Variants in ADD2 observed in about 807,000 individuals in gnomAD.
ADD2 encodes the protein adducin 2.
A neutral mutation model predicts 83.0 loss-of-function variants in ADD2; 23 were observed. The ratio of observed to expected loss-of-function variants is 0.28; its 90% CI spans 0.20 to 0.39. The LOEUF (loss-of-function observed/expected upper bound fraction) is 0.39, where lower values mean the gene tolerates loss of function less well. Ranked by LOEUF, ADD2 falls within the 10% of genes least tolerant of loss-of-function variation. The probability of loss-of-function intolerance (pLI) is 1.00; values close to 1 mark genes in which losing one functional copy is unlikely to be tolerated. For synonymous variants in ADD2, 375 were observed against 375.4 expected (o/e 1.00, Z 0.01); for missense variants, 758 against 944.9 (o/e 0.80, Z 2.59).
intron 15 of ADD2, among the ~76,000 whole-genome samples, chr2:70,666,396 C>T (rs1208360819): frequency 6.6e-6 from 1 of 152,228 alleles, no homozygotes; most frequent in Non-Finnish European, 1.5e-5. Flanking sequence ...GAGTGCTGGC[C>T]TTTGTCTCCT....
intron 4 of ADD2, among the ~76,000 whole-genome samples, chr2:70,700,666 T>C (rs1027202405): frequency 6.6e-6 from 1 of 152,066 alleles, no homozygotes; most frequent in South Asian, 2.1e-4. Context: ...TTATGTGAGA[T>C]GATCTATGAA....
chr2:70,742,512 G>A (rs1673970059), intron 1 of ADD2, among the ~76,000 whole-genome samples: 1 of 152,094 alleles, frequency 6.6e-6, no homozygotes, highest in Non-Finnish European at 1.5e-5. Flanking sequence ...GCTGGTTGAA[G>A]AACAGGAATT....
chr2:70,743,917 A>G (rs1423928922), intron 1 of ADD2, among the ~76,000 whole-genome samples: 2 of 152,234 alleles, frequency 1.3e-5, no homozygotes, highest in African/African-American at 2.4e-5. Context: ...GCTAGGTCAT[A>G]GCCATCCAGT....
Position 70,706,183 on chromosome 2 carries a change from A to C in ADD2, c.183+43T>G. The C allele has an allele frequency of 6.3e-7, 1 of 1,598,678 alleles. No individual in the cohort carries two copies. ...GGGTGGGTACACGTCCTGAAGAGCC[A>C]GCGCCCCCTGCGCCCTCTCCCGCCC... On this transcript the variant is annotated intron_variant, in intron 3 of 15. Coordinates refer to ENST00000264436, the MANE Select transcript of ADD2 (RefSeq NM_001617.4). This position sits in a 1 kb window ranked among gnomAD's most constrained non-coding sequence, Gnocchi z 5.0.
intron 1 of ADD2, among the ~76,000 whole-genome samples, chr2:70,729,753 ATACCC>A (rs1673188226): frequency 6.6e-6 from 1 of 152,216 alleles, no homozygotes. Context: ...CACTTTCTAA[ATACCC>A]CCTTGGACCA....
intron 1 of ADD2, among the ~76,000 whole-genome samples, chr2:70,731,463 C>T (rs1673278258): frequency 6.6e-6 from 1 of 152,116 alleles, no homozygotes; most frequent in South Asian, 2.1e-4. Context: ...CTAAAAATAG[C>T]AAAGAACTAG....
intron 1 of ADD2, among the ~76,000 whole-genome samples, chr2:70,762,970 T>C (rs1675198096): frequency 6.6e-6 from 1 of 151,844 alleles, no homozygotes; most frequent in African/African-American, 2.4e-5. Context: ...CCTCCCAAAG[T>C]GCTGGGATTA....
In ADD2 at chr2:70,678,779, C is replaced by T. The variant is rs143711744; in HGVS notation, c.1308G>A (p.Thr436=). 35 of 1,613,172 alleles carry T rather than the reference C, an allele frequency of 2.2e-5. No individual in the cohort carries two copies. Among genetic ancestry groups the T allele is most frequent in the South Asian group, 6.6e-5 (6 of 90,886 alleles). Residue 436 remains threonine, a synonymous_variant, in exon 11 of 16, where the codon ACG becomes ACA. Transcript: ENST00000264436. ...CATTGACCCGCAGGTAGGTGTTGGG[C>T]GTATTGAGCCAGCGGGTCTTCTCCT... ...QQKEKTRWLN[T]PNTYLRVNVA... is the part of the protein sequence containing the mutation.
chr2:70,755,929 C>T (rs1553383769), intron 1 of ADD2, among the ~76,000 whole-genome samples: 14 of 151,950 alleles, frequency 9.2e-5, no homozygotes, highest in Non-Finnish European at 1.8e-4. Context: ...CATGGTGGCA[C>T]ATGCCTGTAA....
chr2:70,691,042 G>A (rs782044235), intron 7 of ADD2, 113 bp from the exon 8 acceptor site: 117 of 1,347,396 alleles, frequency 8.7e-5, no homozygotes, highest in Non-Finnish European at 1.0e-4. Context: ...TGAGGAGTGA[G>A]GGGTGAGGTT....
Position 70,677,002 on chromosome 2 carries a change from C to T in ADD2, c.1504-117G>A, listed in dbSNP as rs562804765. 7.6e-4 allele frequency: 1,110 copies of T among 1,458,898 alleles called. 4 individuals are homozygous for T. The highest frequency in any genetic ancestry group is 1.1e-3 in the South Asian group (77 of 69,632). 90.4% of individuals were successfully genotyped at this position (1,458,898 alleles called of 1,614,324 possible). Reference sequence around the variant, plus strand: ...AAGGTCCTCTAGCGGTGTGGGAGCCCGTCACCTATCCTAATGCAATCCTTG... The same window carrying T: ...AAGGTCCTCTAGCGGTGTGGGAGCCTGTCACCTATCCTAATGCAATCCTTG... On this transcript the variant is annotated intron_variant, in intron 12 of 15. Coordinates refer to ENST00000264436, the MANE Select transcript of ADD2 (RefSeq NM_001617.4).
At position 70,746,665 on chromosome 2, in the gene ADD2, G is replaced by A. The variant is rs139037149; in HGVS notation, c.-154+21221C>T. ...CACTGGGCCGGGAGGGAAAACAATT[G>A]GAGTCAAGTTTGTATTTATTAGTTT... On this transcript the variant is annotated intron_variant, in intron 1 of 15. Coordinates refer to ENST00000264436, the MANE Select transcript of ADD2 (RefSeq NM_001617.4). Among the ~76,000 whole-genome samples, 237 of 152,278 alleles carry A rather than the reference G, an allele frequency of 1.6e-3. 1 individual carries two copies. The highest frequency in any genetic ancestry group is 5.4e-3 in the African/African-American group (225 of 41,554).
At chr2:70,754,236 G>C (rs1178640052) in intron 1 of ADD2, among the ~76,000 whole-genome samples, 1 of 152,076 alleles carries the variant, frequency 6.6e-6, no homozygotes, top group Non-Finnish European at 1.5e-5. Context: ...TGCCTCCTTG[G>C]TTACCTTCCT....
rs1553372736 is a variant in ADD2 at position 70,696,402 on chromosome 2, G to A, written c.323-6C>T. 1 of 1,614,128 alleles carries A rather than the reference G, an allele frequency of 6.2e-7. No homozygotes were observed. The highest frequency in any genetic ancestry group is 1.7e-5 in the Admixed American group (1 of 60,012). ...AGGCGTCATCATGGAGACATCTGCAGGGACAGTGCAGTTCTCTCAGGGCCA... is the reference window on the plus strand; with the variant it reads ...AGGCGTCATCATGGAGACATCTGCAAGGACAGTGCAGTTCTCTCAGGGCCA... On this transcript the variant is annotated splice_region_variant and splice_polypyrimidine_tract_variant and intron_variant, in intron 4 of 15. Transcript: ENST00000264436.
intron 1 of ADD2, chr2:70,767,249 A>T (rs552554628): frequency 6.5e-6 from 1 of 152,836 alleles, no homozygotes; most frequent in South Asian, 2.1e-4. Context: ...ACAGACTGGC[A>T]AGACCCCCTC....
chr2:70,684,544 T>C (rs1670621494), intron 9 of ADD2, among the ~76,000 whole-genome samples: 7 of 152,216 alleles, frequency 4.6e-5, no homozygotes, highest in Admixed American at 4.6e-4. Flanking sequence ...CCACCATTGC[T>C]GACCTCTCCT....
chr2:70,677,158 G>A lies in ADD2; in HGVS notation c.1504-273C>T, dbSNP rs144398076. ...AATGAGGCATAGTTGATCCTAAGAAGCCCCTGAGGAATTTGTTTTAAATAC... is the reference window on the plus strand; with the variant it reads ...AATGAGGCATAGTTGATCCTAAGAAACCCCTGAGGAATTTGTTTTAAATAC... On this transcript the variant is annotated intron_variant, in intron 12 of 15. Transcript: ENST00000264436. Among the ~76,000 whole-genome samples, 1,454 of 152,236 alleles carry A rather than the reference G, an allele frequency of 9.6e-3. 19 individuals are homozygous for A. Among genetic ancestry groups the A allele is most frequent in the African/African-American group, 0.033 (1,365 of 41,522 alleles).
intron 2 of ADD2, chr2:70,711,278 G>A (rs1479311572): frequency 6.6e-6 from 1 of 152,302 alleles, no homozygotes; most frequent in African/African-American, 2.4e-5. Flanking sequence ...CAGTAGGAAT[G>A]TCTTTTGTTA....
At chr2:70,686,668 C>T (rs1410307143) in intron 9 of ADD2, among the ~76,000 whole-genome samples, 1 of 152,118 alleles carries the variant, frequency 6.6e-6, no homozygotes, top group Non-Finnish European at 1.5e-5. Context: ...GAGTAGCTTC[C>T]CGGTATCCCA....
Sources: gnomAD v4.1 joint callset for allele counts (sites outside exome capture counted in the v4.1 genomes callset) on GRCh38, gnomAD v4.1.1 for gene constraint, Gnocchi (gnomAD v3.1) non-coding constraint, MANE v1.5 for transcripts, NCBI Gene and HGNC (gene_info 2026-07-23, HGNC 2026-07-21) for gene names.